RPS6KC1: variants seen among roughly 807,000 people sequenced by gnomAD.
RPS6KC1 encodes inactive ribosomal protein S6 kinase delta-1.
A neutral mutation model predicts 103.8 loss-of-function variants in RPS6KC1; 54 were observed. That is an observed-to-expected ratio of 0.52 (90% CI 0.42 to 0.65). RPS6KC1 has a LOEUF of 0.65. RPS6KC1 is among the 30% of genes least tolerant of loss of function. The pLI, the probability that RPS6KC1 is intolerant of heterozygous loss-of-function variation, is 0.00. For missense variants in RPS6KC1, 1,151 were observed against 1,253.8 expected, an observed-to-expected ratio of 0.92 and a Z score of 1.24; for synonymous variants, 439 against 438.7, an observed-to-expected ratio of 1.00 and a Z score of -0.01.
intron 7 of RPS6KC1, among the ~76,000 whole-genome samples, chr1:213,171,181 T>A (rs2091447958): frequency 6.6e-6 from 1 of 152,122 alleles, no homozygotes; most frequent in South Asian, 2.1e-4. Context: ...CATGTTAATA[T>A]CCTTTTTGCA....
chr1:213,063,495 ATAGT>A (rs1558242823), intron 1 of RPS6KC1, among the ~76,000 whole-genome samples: 1 of 152,192 alleles, frequency 6.6e-6, no homozygotes, highest in African/African-American at 2.4e-5. Flanking sequence ...ACAATAAGAG[ATAGT>A]TACTTTTGCT....
intron 12 of RPS6KC1, among the ~76,000 whole-genome samples, chr1:213,256,998 C>T (rs745797453): frequency 3.9e-5 from 6 of 152,114 alleles, no homozygotes; most frequent in Non-Finnish European, 7.4e-5. Context: ...TCTTGCAAAT[C>T]CATGCAAATT....
the RPS6KC1 span, among the ~76,000 whole-genome samples, chr1:213,656,421 T>A: frequency 6.6e-6 from 1 of 152,152 alleles, no homozygotes; most frequent in Non-Finnish European, 1.5e-5. Context: ...AAGGTGTGAA[T>A]AATGAAGACA....
chr1:213,376,523 T>TA, the RPS6KC1 span, among the ~76,000 whole-genome samples: 1,388 of 145,174 alleles, frequency 9.6e-3, 19 homozygotes, highest in African/African-American at 0.03. Flanking sequence ...TATTGAGAAT[T>TA]AAAAAAAAAA....
intron 1 of RPS6KC1, among the ~76,000 whole-genome samples, chr1:213,069,933 A>G (rs956316344): frequency 6.6e-6 from 1 of 152,192 alleles, no homozygotes; most frequent in East Asian, 1.9e-4. Flanking sequence ...TTGTGAAAAA[A>G]ATCTTTTTAC....
intron 6 of RPS6KC1, among the ~76,000 whole-genome samples, chr1:213,139,416 T>C (rs1163175028): frequency 6.6e-6 from 1 of 152,088 alleles, no homozygotes; most frequent in Non-Finnish European, 1.5e-5. Flanking sequence ...AGTCTTTGCC[T>C]GGGCTGATGT....
the RPS6KC1 span, among the ~76,000 whole-genome samples, chr1:213,657,527 C>G: frequency 6.6e-6 from 1 of 151,972 alleles, no homozygotes; most frequent in Non-Finnish European, 1.5e-5. Context: ...CATGCATTTC[C>G]TAAAAGAAAC....
chr1:213,736,476 C>A, the RPS6KC1 span, among the ~76,000 whole-genome samples: 1 of 152,182 alleles, frequency 6.6e-6, no homozygotes, highest in Non-Finnish European at 1.5e-5. Context: ...TTATGCCAAG[C>A]CTTCAAGAAG....
intron 3 of RPS6KC1, among the ~76,000 whole-genome samples, chr1:213,080,209 C>T (rs1227447672): frequency 6.6e-6 from 1 of 152,046 alleles, no homozygotes; most frequent in Non-Finnish European, 1.5e-5. Flanking sequence ...TGAGCCACTG[C>T]GCCTGGCCCA....
chr1:213,203,733 A>G lies in RPS6KC1; in HGVS notation c.1045-26764A>G, dbSNP rs530172683. 8.5e-5 allele frequency among the ~76,000 whole-genome samples: 13 copies of G among 152,234 alleles called. No individual in the cohort carries two copies. In the East Asian group the frequency reaches 2.5e-3, roughly 29 times the overall value. ...ACCTATAACCCTGCTACCTACTGAG[A>G]ATTATTTTTACATTTTGATTTATAC... On this transcript the variant is annotated intron_variant, in intron 8 of 14. Coordinates refer to ENST00000366960, the MANE Select transcript of RPS6KC1 (RefSeq NM_012424.6).
chr1:213,313,617 T>C, the RPS6KC1 span, among the ~76,000 whole-genome samples: 1 of 152,232 alleles, frequency 6.6e-6, no homozygotes, highest in Non-Finnish European at 1.5e-5. Context: ...TAGTTCTTTA[T>C]GTTAGTTTGA....
At chr1:213,467,835 G>C in the RPS6KC1 span, among the ~76,000 whole-genome samples, 1 of 152,122 alleles carries the variant, frequency 6.6e-6, no homozygotes, top group African/African-American at 2.4e-5. Flanking sequence ...GCTTGTTGGT[G>C]CCTTCTTTAG....
the RPS6KC1 span, among the ~76,000 whole-genome samples, chr1:213,751,098 A>G: frequency 9.2e-5 from 14 of 152,128 alleles, no homozygotes; most frequent in Admixed American, 9.2e-4. Flanking sequence ...AGTCATAGAT[A>G]CCAATTTTAG....
intron 1 of RPS6KC1, among the ~76,000 whole-genome samples, chr1:213,053,258 C>T (rs937078800): frequency 6.6e-6 from 1 of 152,190 alleles, no homozygotes; most frequent in Non-Finnish European, 1.5e-5. Context: ...GTTAATTTAA[C>T]AGGAAAGTTA....
intron 1 of RPS6KC1, among the ~76,000 whole-genome samples, chr1:213,061,807 T>C (rs2077867482): frequency 1.3e-5 from 2 of 152,292 alleles, no homozygotes; most frequent in Middle Eastern, 3.4e-3. Flanking sequence ...ATTCATATCT[T>C]TGAAAAATGA....
At chr1:213,418,732 T>G in the RPS6KC1 span, among the ~76,000 whole-genome samples, 1 of 152,230 alleles carries the variant, frequency 6.6e-6, no homozygotes, top group Non-Finnish European at 1.5e-5. Context: ...GTTGAGGCTC[T>G]TGGAGCCATT....
the RPS6KC1 span, among the ~76,000 whole-genome samples, chr1:213,735,409 G>C: frequency 6.6e-6 from 1 of 152,200 alleles, no homozygotes; most frequent in Non-Finnish European, 1.5e-5. Flanking sequence ...GCTTCCACAG[G>C]TGGGCATATT....
At chr1:213,275,548 A>G (rs553410157), downstream of RPS6KC1, among the ~76,000 whole-genome samples, 3 of 152,328 alleles carry the variant, frequency 2.0e-5, no homozygotes, top group South Asian at 6.2e-4. Flanking sequence ...TATTTGAGAC[A>G]TGGACCTTTT....
the RPS6KC1 span, among the ~76,000 whole-genome samples, chr1:213,417,076 C>T: frequency 5.6e-4 from 86 of 152,300 alleles, no homozygotes; most frequent in African/African-American, 2.0e-3. Context: ...CTTCCCACCA[C>T]CCCAGGGATG....
Sources: gnomAD v4.1 joint callset for allele counts (sites outside exome capture counted in the v4.1 genomes callset) on GRCh38, gnomAD v4.1.1 for gene constraint, MANE v1.5 for transcripts, NCBI Gene and HGNC (gene_info 2026-07-23, HGNC 2026-07-21) for gene names.